The following TUBE1 variants were observed in gnomAD, a reference collection of about 807,000 sequenced individuals.
TUBE1 encodes the protein tubulin epsilon 1, also known as tubulin epsilon chain.
In TUBE1, 34 loss-of-function variants were observed where a neutral mutation model predicts 53.5. That is an observed-to-expected ratio of 0.64 (90% CI 0.48 to 0.85). The LOEUF is 0.85. Ranked by LOEUF, TUBE1 falls within the 40% of genes least tolerant of loss-of-function variation. TUBE1 has a pLI of 0.00. For synonymous variants in TUBE1, 177 were observed against 198.4 expected (o/e 0.89, Z 0.91); for missense variants, 532 against 570.5 (o/e 0.93, Z 0.69).
chr6:112,072,805 C>T lies in TUBE1; in HGVS notation c.1047G>A (p.Met349Ile), dbSNP rs1408895924. The part of the protein sequence containing the change: ...KHSLYLACAL[M>I]VRGNVQISDL... ...CTGAAATTTGTACATTTCCTCTAAC[C>T]ATGAGTGCACAGGCGAGGTAAAGAC... is the stretch of plus-strand genomic sequence containing the variant. Residue 349 changes from methionine to isoleucine, a missense_variant, in exon 10 of 12, where the codon ATG (methionine) becomes ATA (isoleucine). Physicochemically the swap from Met to Ile is conservative, Grantham distance 10. Transcript: ENST00000368662. 1.9e-6 allele frequency: 3 copies of T among 1,613,538 alleles called. No individual in the cohort carries two copies. The highest frequency in any genetic ancestry group is 1.7e-5 in the Admixed American group (1 of 59,984).
At chr6:112,077,250 T>G (rs1776986824) in intron 6 of TUBE1, 1 of 152,220 alleles carries the variant, frequency 6.6e-6, no homozygotes, top group Non-Finnish European at 1.5e-5. Context: ...CAATTAAGCA[T>G]GCCTACCTCG....
chr6:112,071,933 T>C lies in TUBE1; in HGVS notation c.1238A>G (p.Lys413Arg). Residue 413 changes from lysine to arginine, a missense_variant, in exon 11 of 12, where the codon AAA becomes AGA. By Grantham distance (26) the Lys-to-Arg change is conservative. Transcript: ENST00000368662. ...CTTGTAGAGCCTCATGAATCTCTCT[T>C]TCAGTTCCATGAAGGTGGGCTTCAC... Reference protein sequence around the residue: ...TCVKPTFMELKERFMRLYKKK... With the variant: ...TCVKPTFMELRERFMRLYKKK... 6.2e-7 allele frequency: 1 copy of C among 1,609,170 alleles called. No homozygotes were observed. Among genetic ancestry groups the C allele is most frequent in the East Asian group, 2.2e-5 (1 of 44,846 alleles).
rs80107872 is a variant in TUBE1 at position 112,083,785 on chromosome 6, A to G, written c.210+404T>C. 799 of 159,348 alleles carry G rather than the reference A, an allele frequency of 5.0e-3. 9 individuals are homozygous for G. Among genetic ancestry groups the G allele is most frequent in the African/African-American group, 0.018 (771 of 41,700 alleles). The allele number at this position is 159,348 out of a possible 1,614,324, so 9.9% of individuals were successfully genotyped here. A position where few individuals can be genotyped will look rare whatever the true frequency, so the allele number is the denominator to read the frequency against. On this transcript the variant is annotated intron_variant, in intron 4 of 11. Coordinates refer to ENST00000368662, the MANE Select transcript of TUBE1 (RefSeq NM_016262.5). ...GAACCTGAAGTACTTGGTTCAGGAGAACTTATATGGTGAATGGTTTTTATT... is the reference window on the plus strand; with the variant it reads ...GAACCTGAAGTACTTGGTTCAGGAGGACTTATATGGTGAATGGTTTTTATT...
chr6:112,074,006 T>C (rs1163129315), intron 9 of TUBE1, among the ~76,000 whole-genome samples: 5 of 152,110 alleles, frequency 3.3e-5, no homozygotes, highest in African/African-American at 1.2e-4. Context: ...TTTCAAAGTG[T>C]TGGAATTACA....
At chr6:112,076,679 C>T in intron 6 of TUBE1, 170 bp from the exon 7 acceptor site, 1 of 470,258 alleles carries the variant, frequency 2.1e-6, no homozygotes, top group Non-Finnish European at 3.6e-6. Flanking sequence ...AAATGATCCT[C>T]CTGCCTCAGC....
intron 2 of TUBE1, chr6:112,086,965 A>G: frequency 1.9e-6 from 1 of 532,820 alleles, no homozygotes; most frequent in Non-Finnish European, 3.3e-6. Context: ...GTACTTTCCC[A>G]TATACAAATC....
chr6:112,083,022 C>T (rs1777094435), intron 4 of TUBE1, among the ~76,000 whole-genome samples: 1 of 152,070 alleles, frequency 6.6e-6, no homozygotes, highest in Non-Finnish European at 1.5e-5. Flanking sequence ...TCTCAATCTG[C>T]TTACTGATAC....
At chr6:112,074,581 G>A in intron 9 of TUBE1, 129 bp downstream of exon 9, 3 of 558,642 alleles carry the variant, frequency 5.4e-6, no homozygotes, top group Non-Finnish European at 8.3e-6. Flanking sequence ...TGCAAAAATG[G>A]ATGTCATCAA....
At chr6:112,075,890 C>T (rs782653848) in intron 8 of TUBE1, 47 bp downstream of exon 8, 17 of 1,478,678 alleles carry the variant, frequency 1.1e-5, no homozygotes, top group Non-Finnish European at 4.5e-6. Context: ...TTCAAAATAT[C>T]TCCAAAAGCA....
chr6:112,071,538 C>G lies in TUBE1; in HGVS notation c.1302G>C (p.Gly434=), dbSNP rs782717888. 6.2e-7 allele frequency: 1 copy of G among 1,611,356 alleles called. No homozygotes were observed. The highest frequency in any genetic ancestry group is 8.5e-7 in the Non-Finnish European group (1 of 1,178,486). The change falls in exon 12 of 12, where the codon GGG becomes GGC. Residue 434 remains glycine, a synonymous_variant. Coordinates refer to ENST00000368662, the MANE Select transcript of TUBE1 (RefSeq NM_016262.5). ...AHLHHYLQVE[G]MEESCFTEAV... is the part of the protein sequence containing the mutation. ...CTTCTGTGAAACAGCTTTCTTCCAT[C>G]CCTTCAACTTGTAGATAGTGATGAA...
Position 112,081,136 on chromosome 6 carries a change from A to G in TUBE1, c.282T>C (p.Asp94=). The G allele has an allele frequency of 6.2e-7, 1 of 1,609,904 alleles. No individual in the cohort carries two copies. The highest frequency in any genetic ancestry group is 1.1e-5 in the South Asian group (1 of 90,704). Reference sequence around the variant, plus strand: ...AAATATCAGTGATGAGCTGTTTCGTATCAAATACATCTCTCAGTGGTCCCT... The same window carrying G: ...AAATATCAGTGATGAGCTGTTTCGTGTCAAATACATCTCTCAGTGGTCCCT... ...ILQGPLRDVF[D]TKQLITDISG... is the part of the protein sequence containing the mutation. The change falls in exon 5 of 12, where the codon GAT becomes GAC. Residue 94 remains aspartate (D), a synonymous_variant. Coordinates refer to ENST00000368662, the MANE Select transcript of TUBE1 (RefSeq NM_016262.5).
intron 2 of TUBE1, 61 bp downstream of exon 2, chr6:112,087,172 C>T (rs1460121326): frequency 4.2e-6 from 6 of 1,423,386 alleles, no homozygotes; most frequent in Non-Finnish European, 5.8e-6. Flanking sequence ...CGATTATTTC[C>T]TGCGTATGGG....
chr6:112,081,903 T>C (rs1310728779), intron 4 of TUBE1, among the ~76,000 whole-genome samples: 1 of 151,828 alleles, frequency 6.6e-6, no homozygotes, highest in Non-Finnish European at 1.5e-5. Flanking sequence ...CCACTTCCCT[T>C]ACTTTCCATA....
intron 5 of TUBE1, 100 bp from the exon 6 acceptor site, chr6:112,079,854 A>T: frequency 1.7e-6 from 2 of 1,161,916 alleles, no homozygotes; most frequent in Non-Finnish European, 2.4e-6. Flanking sequence ...TTTGAAAAGT[A>T]TTCTTATTGA....
At position 112,086,467 on chromosome 6, in the gene TUBE1, T is replaced by C; in HGVS notation, c.152+89A>G. On this transcript the variant is annotated intron_variant, in intron 3 of 11. Coordinates refer to ENST00000368662, the MANE Select transcript of TUBE1 (RefSeq NM_016262.5). ...AAACAAAAAAACACAACTTCGCAGC[T>C]GGCTATTTTTATTGTCCTTTGAAGA... 6.8e-6 allele frequency: 6 copies of C among 879,918 alleles called. 1 individual carries two copies. In the East Asian group the frequency reaches 7.9e-5, roughly 12 times the overall value. The allele number at this position is 879,918 out of a possible 1,614,324, so 54.5% of individuals were successfully genotyped here. A position where few individuals can be genotyped will look rare whatever the true frequency, so the allele number is the denominator to read the frequency against.
intron 3 of TUBE1, chr6:112,085,642 A>G (rs1435666404): frequency 6.4e-6 from 3 of 470,986 alleles, no homozygotes; most frequent in Non-Finnish European, 1.3e-5. Context: ...CATAAAATAA[A>G]TATAAATGAT....
At chr6:112,083,565 G>A (rs1006405124) in intron 4 of TUBE1, among the ~76,000 whole-genome samples, 1 of 152,004 alleles carries the variant, frequency 6.6e-6, no homozygotes, top group Non-Finnish European at 1.5e-5. Context: ...TGATCTGCCC[G>A]CTTCGGCCTC....
chr6:112,084,079 G>T, intron 4 of TUBE1, 110 bp downstream of exon 4: 1 of 819,842 alleles, frequency 1.2e-6, no homozygotes, highest in Non-Finnish European at 2.0e-6. Context: ...ATGTGGCTTA[G>T]TAATTTTTTT....
rs782765260 is a variant in TUBE1 at position 112,076,042 on chromosome 6, G to C, written c.707C>G (p.Pro236Arg). 2 of 1,613,802 alleles carry C rather than the reference G, an allele frequency of 1.2e-6. No homozygotes were observed. The highest frequency in any genetic ancestry group is 1.7e-6 in the Non-Finnish European group (2 of 1,179,882). Residue 236 changes from proline (P) to arginine (R), a missense_variant, in exon 8 of 12, where the codon CCA (proline) becomes CGA (arginine). Physicochemically the swap from Pro to Arg is moderately radical, Grantham distance 103. Coordinates refer to ENST00000368662, the MANE Select transcript of TUBE1 (RefSeq NM_016262.5). ...NSGKLGTTVK[P>R]KSLVTSSSGA... ...AGAACTTGAAGTAACCAGACTCTTT[G>C]GCTTCACAGTTGTACCCAACTTTCC...
Sources: allele counts gnomAD v4.1 joint callset (sites outside exome capture counted in the v4.1 genomes callset), GRCh38; gene constraint gnomAD v4.1.1; transcripts MANE v1.5; gene names NCBI Gene and HGNC (gene_info 2026-07-23, HGNC 2026-07-21).